CCDC73: variants seen among roughly 807,000 people sequenced by gnomAD.
The protein encoded by CCDC73 is coiled-coil domain containing 73.
CCDC73 carries 95 observed loss-of-function variants against 116.5 expected under a neutral mutation model. The observed-to-expected ratio is 0.82, with a 90% CI of 0.69 to 0.97. The LOEUF is 0.97. CCDC73 is among the 50% of genes least tolerant of loss of function. The probability of loss-of-function intolerance (pLI) is 0.00; values close to 1 mark genes in which losing one functional copy is unlikely to be tolerated. For synonymous variants in CCDC73, 398 were observed against 401.3 expected (o/e 0.99, Z 0.10); for missense variants, 1,066 against 1,206.8 (o/e 0.88, Z 1.73).
chr11:32,753,379 C>CAGTGACACAAACACATCA (rs2133369479), intron 2 of CCDC73, among the ~76,000 whole-genome samples: 1 of 151,686 alleles, frequency 6.6e-6, no homozygotes, highest in African/African-American at 2.4e-5. Flanking sequence ...CTCACTGCAG[C>CAGTGACACAAACACATCA]CTTGACCTTC....
At chr11:32,801,413 C>T in the CCDC73 span, among the ~76,000 whole-genome samples, 2 of 152,048 alleles carry the variant, frequency 1.3e-5, no homozygotes, top group African/African-American at 4.8e-5. Context: ...GAGGCCAAGG[C>T]GGGCAGATCA....
At chr11:32,711,358 C>T (rs774888617) in intron 3 of CCDC73, among the ~76,000 whole-genome samples, 2 of 152,142 alleles carry the variant, frequency 1.3e-5, no homozygotes, top group Non-Finnish European at 2.9e-5. Flanking sequence ...TATAGCAGCA[C>T]AATTTGCAAC....
At chr11:32,611,607 T>A (rs1293892591) in intron 16 of CCDC73, among the ~76,000 whole-genome samples, 1 of 152,166 alleles carries the variant, frequency 6.6e-6, no homozygotes, top group African/African-American at 2.4e-5. Flanking sequence ...TGTAAGCATT[T>A]GTATAGTGAA....
chr11:32,741,710 G>A (rs915189101), intron 2 of CCDC73, among the ~76,000 whole-genome samples: 1 of 151,850 alleles, frequency 6.6e-6, no homozygotes, highest in Non-Finnish European at 1.5e-5. Context: ...TGCAGAATGT[G>A]AAGTTCTGTT....
rs549862459 is a variant in CCDC73, at chr11:32,690,131, T to TA, written c.391-6558_391-6557insT. 3.5e-3 allele frequency among the ~76,000 whole-genome samples: 539 copies of TA among 152,180 alleles called. 6 individuals are homozygous for TA. Among genetic ancestry groups the TA allele is most frequent in the African/African-American group, 0.013 (520 of 41,536 alleles). On this transcript the variant is annotated intron_variant, in intron 6 of 17. Coordinates refer to ENST00000335185, the MANE Select transcript of CCDC73 (RefSeq NM_001008391.4). ...GTTTGAAAGGAGAAAATATAAAGACTCGTTGGGGAAGGTAATACTTGAAGT... is the reference window on the plus strand; with the variant it reads ...GTTTGAAAGGAGAAAATATAAAGACTACGTTGGGGAAGGTAATACTTGAAGT...
chr11:32,731,486 C>T (rs546289691), intron 2 of CCDC73, among the ~76,000 whole-genome samples: 78 of 152,204 alleles, frequency 5.1e-4, no homozygotes, highest in Non-Finnish European at 9.6e-4. Flanking sequence ...CCCTGACTCC[C>T]GAGTAGCCTA....
intron 2 of CCDC73, among the ~76,000 whole-genome samples, chr11:32,742,108 G>A (rs534073148): frequency 1.7e-4 from 26 of 152,174 alleles, no homozygotes; most frequent in South Asian, 6.2e-4. Context: ...GAATAGTGCC[G>A]CAATAAACAT....
chr11:32,613,408 C>G lies in CCDC73; in HGVS notation c.2896+14G>C. On this transcript the variant is annotated intron_variant, in intron 16 of 17. Coordinates refer to ENST00000335185, the MANE Select transcript of CCDC73 (RefSeq NM_001008391.4). ...AAATATTTTGAGAATTAAAACATTA[C>G]TTTGTTTTCTTACCTGGTCCAATAT... 2 of 1,562,476 alleles carry G rather than the reference C, an allele frequency of 1.3e-6. No homozygotes were observed. Among genetic ancestry groups the G allele is most frequent in the Non-Finnish European group, 1.7e-6 (2 of 1,147,912 alleles).
intron 12 of CCDC73, among the ~76,000 whole-genome samples, chr11:32,643,195 A>G (rs1855748592): frequency 6.6e-6 from 1 of 152,058 alleles, no homozygotes; most frequent in African/African-American, 2.4e-5. Flanking sequence ...ATGTAAAATT[A>G]TGGCAACATA....
chr11:32,630,725 A>C (rs1855624195), intron 14 of CCDC73, among the ~76,000 whole-genome samples: 1 of 152,208 alleles, frequency 6.6e-6, no homozygotes, highest in South Asian at 2.1e-4. Flanking sequence ...ACACATAAAA[A>C]TGGTTAAAAT....
Position 32,613,623 on chromosome 11 carries a change from G to T in CCDC73, c.2695C>A (p.Pro899Thr). 1 of 1,613,962 alleles carries T rather than the reference G, an allele frequency of 6.2e-7. No homozygotes were observed. The highest frequency in any genetic ancestry group is 8.5e-7 in the Non-Finnish European group (1 of 1,179,942). The change falls in exon 16 of 18, where the codon CCA (proline) becomes ACA (threonine). Residue 899 changes from proline (P) to threonine (T), a missense_variant. Coordinates refer to ENST00000335185, the MANE Select transcript of CCDC73 (RefSeq NM_001008391.4). ...GGGTCTGAAAAATTCATGTATACTGGAGTTTTCTCAGTTTTTTTATCTGAA... is the reference window on the plus strand; with the variant it reads ...GGGTCTGAAAAATTCATGTATACTGTAGTTTTCTCAGTTTTTTTATCTGAA... ...STSDKKTEKT[P>T]VYMNFSDPGP...
chr11:32,618,547 T>C (rs1464513538), intron 14 of CCDC73, among the ~76,000 whole-genome samples: 1 of 152,124 alleles, frequency 6.6e-6, no homozygotes. Flanking sequence ...TTTGACCTTA[T>C]TTTTTATTTA....
chr11:32,793,450 G>A (rs1850694023), intron 1 of CCDC73, among the ~76,000 whole-genome samples: 1 of 151,998 alleles, frequency 6.6e-6, no homozygotes. Context: ...ATCAATTCGA[G>A]GATCTCAATA....
chr11:32,735,830 G>C (rs1850124461), intron 2 of CCDC73, among the ~76,000 whole-genome samples: 1 of 152,124 alleles, frequency 6.6e-6, no homozygotes, highest in Non-Finnish European at 1.5e-5. Flanking sequence ...CAATGGAACA[G>C]AACAGAGCCC....
At chr11:32,817,956 A>T in the CCDC73 span, among the ~76,000 whole-genome samples, 3 of 152,232 alleles carry the variant, frequency 2.0e-5, no homozygotes, top group African/African-American at 4.8e-5. Flanking sequence ...GCTGAGATAC[A>T]GTATCTCTAC....
chr11:32,643,538 T>G (rs1324397), intron 12 of CCDC73, among the ~76,000 whole-genome samples: 1 of 151,898 alleles, frequency 6.6e-6, no homozygotes. Context: ...GCTACAAACC[T>G]GTACAGCATC....
At chr11:32,642,146 A>T in intron 12 of CCDC73, 64 bp from the exon 13 acceptor site, 1 of 1,403,084 alleles carries the variant, frequency 7.1e-7, no homozygotes, top group Non-Finnish European at 9.3e-7. Flanking sequence ...GATGTGTTTT[A>T]TGTTGCTTGG....
At chr11:32,743,318 G>C (rs1395050933) in intron 2 of CCDC73, among the ~76,000 whole-genome samples, 1 of 151,870 alleles carries the variant, frequency 6.6e-6, no homozygotes, top group Non-Finnish European at 1.5e-5. Context: ...ACAACAAACT[G>C]TCTCTGAGAC....
intron 3 of CCDC73, among the ~76,000 whole-genome samples, chr11:32,708,765 T>A (rs1461191392): frequency 2.0e-5 from 3 of 152,350 alleles, no homozygotes; most frequent in Non-Finnish European, 2.9e-5. Context: ...TAATTTTGTA[T>A]CCTGAAACCT....
Sources: allele counts gnomAD v4.1 joint callset (sites outside exome capture counted in the v4.1 genomes callset), GRCh38; gene constraint gnomAD v4.1.1; transcripts MANE v1.5; gene names NCBI Gene and HGNC (gene_info 2026-07-23, HGNC 2026-07-21).